The following ZZZ3 variants were observed in gnomAD, a reference collection of about 807,000 sequenced individuals.
The protein encoded by ZZZ3 is zinc finger ZZ-type containing 3, also known as ZZ-type zinc finger-containing protein 3.
A neutral mutation model predicts 95.2 loss-of-function variants in ZZZ3; 22 were observed. That is an observed-to-expected ratio of 0.23 (90% CI 0.17 to 0.33). The LOEUF is 0.33. Among genes scored for constraint, ZZZ3 ranks in the 10% least tolerant of loss-of-function variants. The pLI is 1.00. For missense variants in ZZZ3, 885 were observed against 1,066.5 expected, an observed-to-expected ratio of 0.83 and a Z score of 2.37; for synonymous variants, 335 against 358.9, an observed-to-expected ratio of 0.93 and a Z score of 0.75.
At chr1:77,680,647 T>C (rs576116427) in intron 1 of ZZZ3, among the ~76,000 whole-genome samples, 8 of 152,178 alleles carry the variant, frequency 5.3e-5, no homozygotes, top group Non-Finnish European at 8.8e-5. Flanking sequence ...TTCAAGTATA[T>C]ATACCTTTGT....
intron 5 of ZZZ3, among the ~76,000 whole-genome samples, chr1:77,620,501 G>A (rs1430445141): frequency 6.9e-6 from 1 of 144,166 alleles, no homozygotes; most frequent in Non-Finnish European, 1.5e-5. Flanking sequence ...AAGGAAGGAA[G>A]GAAGGAAGGA....
At position 77,623,781 on chromosome 1, in the gene ZZZ3, TC is replaced by T. The variant is rs570318738; in HGVS notation, c.1505+8068del. On this transcript the variant is annotated intron_variant, in intron 5 of 14. Coordinates refer to ENST00000370801, the MANE Select transcript of ZZZ3 (RefSeq NM_015534.6). Reference sequence around the variant, plus strand: ...CCACAGAAAATCTTGCCTGAGAGGGTCCTGCACAAATTATTAGTCTCCTCTG... The same window carrying T: ...CCACAGAAAATCTTGCCTGAGAGGGTCTGCACAAATTATTAGTCTCCTCTG... Among the ~76,000 whole-genome samples the T allele has an allele frequency of 2.8e-4, 43 of 152,274 alleles. No individual in the cohort carries two copies. The East Asian group carries it at 7.5e-3, about 27-fold the overall frequency.
chr1:77,648,633 C>G (rs1230037214), intron 1 of ZZZ3, among the ~76,000 whole-genome samples: 1 of 152,034 alleles, frequency 6.6e-6, no homozygotes, highest in East Asian at 1.9e-4. Context: ...AAAGGTCAAT[C>G]AATCTGATGC....
At chr1:77,582,677 T>A (rs1662644450) in intron 6 of ZZZ3, among the ~76,000 whole-genome samples, 1 of 151,272 alleles carries the variant, frequency 6.6e-6, no homozygotes. Context: ...TTTCTTTTTT[T>A]TTTTTTTAAG....
chr1:77,656,358 A>G (rs1008447062), intron 1 of ZZZ3, among the ~76,000 whole-genome samples: 1 of 152,222 alleles, frequency 6.6e-6, no homozygotes, highest in African/African-American at 2.4e-5. Flanking sequence ...GTGACAGGTA[A>G]TAAATAAATG....
At chr1:77,653,171 G>A (rs955697307) in intron 1 of ZZZ3, among the ~76,000 whole-genome samples, 2 of 151,968 alleles carry the variant, frequency 1.3e-5, no homozygotes. Context: ...TGGGCAAAAG[G>A]GCAAGATTCT....
At chr1:77,635,899 C>A (rs11162374) in intron 4 of ZZZ3, among the ~76,000 whole-genome samples, 1 of 151,148 alleles carries the variant, frequency 6.6e-6, no homozygotes, top group Non-Finnish European at 1.5e-5. Context: ...GAGCGAGACT[C>A]TGTCTCAAAA....
At chr1:77,625,795 G>T (rs936491346) in intron 5 of ZZZ3, among the ~76,000 whole-genome samples, 1 of 151,274 alleles carries the variant, frequency 6.6e-6, no homozygotes, top group Admixed American at 6.6e-5. Flanking sequence ...TTCGAGACCA[G>T]CCTGGTCAAC....
At chr1:77,583,394 T>C (rs1302461267) in intron 6 of ZZZ3, among the ~76,000 whole-genome samples, 1 of 152,148 alleles carries the variant, frequency 6.6e-6, no homozygotes, top group Non-Finnish European at 1.5e-5. Context: ...AATTATTTAA[T>C]AACAGCAATG....
intron 5 of ZZZ3, among the ~76,000 whole-genome samples, chr1:77,612,661 T>C (rs961668141): frequency 2.0e-5 from 3 of 152,038 alleles, no homozygotes; most frequent in Admixed American, 2.0e-4. Context: ...GAGGGCATTA[T>C]GCTACATGAA....
chr1:77,667,921 C>T (rs996319039), intron 1 of ZZZ3, among the ~76,000 whole-genome samples: 19 of 151,766 alleles, frequency 1.3e-4, no homozygotes, highest in Non-Finnish European at 1.9e-4. Flanking sequence ...CCTGCCACCA[C>T]GCCCGGCTAA....
intron 1 of ZZZ3, among the ~76,000 whole-genome samples, chr1:77,681,916 A>T (rs1672797451): frequency 6.6e-6 from 1 of 152,082 alleles, no homozygotes; most frequent in East Asian, 1.9e-4. Context: ...AAAAAAAAAA[A>T]AATCACATGA....
chr1:77,642,627 T>C (rs1668883241), intron 1 of ZZZ3, among the ~76,000 whole-genome samples: 1 of 151,042 alleles, frequency 6.6e-6, no homozygotes, highest in African/African-American at 2.4e-5. Flanking sequence ...CGTGGTTGTG[T>C]GTGTCTGTAG....
upstream of ZZZ3, chr1:77,683,278 G>A (rs1367060508): frequency 1.3e-5 from 2 of 150,584 alleles, no homozygotes; most frequent in African/African-American, 2.5e-5. Flanking sequence ...CGCGGGGTCG[G>A]ACGCAACGGG....
intron 5 of ZZZ3, among the ~76,000 whole-genome samples, chr1:77,624,163 A>G (rs138470429): frequency 7.9e-5 from 12 of 152,328 alleles, no homozygotes; most frequent in African/African-American, 2.9e-4. Context: ...TAGGGATGCT[A>G]GAAAAATCTT....
At chr1:77,612,379 TG>T (rs1039003132) in intron 5 of ZZZ3, among the ~76,000 whole-genome samples, 6 of 152,056 alleles carry the variant, frequency 3.9e-5, no homozygotes, top group African/African-American at 1.4e-4. Flanking sequence ...CCAAACAGTA[TG>T]GAAGTTCCTA....
chr1:77,597,652 G>A (rs1465289414), intron 5 of ZZZ3, among the ~76,000 whole-genome samples: 1 of 151,924 alleles, frequency 6.6e-6, no homozygotes, highest in Non-Finnish European at 1.5e-5. Flanking sequence ...CTAATCATGA[G>A]AAAAATATCA....
At chr1:77,614,319 C>T (rs1166375234) in intron 5 of ZZZ3, among the ~76,000 whole-genome samples, 3 of 152,090 alleles carry the variant, frequency 2.0e-5, no homozygotes, top group Non-Finnish European at 2.9e-5. Flanking sequence ...CTAGAAGTTA[C>T]CACCTCAAGG....
rs1667248314 is a variant in ZZZ3 at position 77,625,465 on chromosome 1, A to G, written c.1505+6385T>C. Among the ~76,000 whole-genome samples, 3 of 152,190 alleles carry G rather than the reference A, an allele frequency of 2.0e-5. No homozygotes were observed. The South Asian group carries it at 6.2e-4, about 32-fold the overall frequency. ...AAACTAAAAGCAGTCAATTAGAAGG[A>G]AAGTCTTAGTTACTAAAGGAAGGTG... is the stretch of plus-strand genomic sequence containing the variant. On this transcript the variant is annotated intron_variant, in intron 5 of 14. Transcript: ENST00000370801.
Sources: allele counts gnomAD v4.1 joint callset (sites outside exome capture counted in the v4.1 genomes callset), GRCh38; gene constraint gnomAD v4.1.1; transcripts MANE v1.5; gene names NCBI Gene and HGNC (gene_info 2026-07-23, HGNC 2026-07-21).